The following XKR9 variants were observed in gnomAD, a reference collection of about 807,000 sequenced individuals.
XKR9 encodes the protein XK related 9, also known as XK-related protein 9.
Under a neutral mutation model 32.0 loss-of-function variants are expected in XKR9, and 32 were observed. The ratio of observed to expected loss-of-function variants is 1.00; its 90% CI spans 0.76 to 1.34. XKR9 has a LOEUF of 1.34. Among genes scored for constraint, XKR9 ranks in the 40% most tolerant of loss-of-function variants. XKR9 has a pLI of 0.00. For missense variants in XKR9, 546 were observed against 429.7 expected (o/e 1.27, Z -2.39); for synonymous variants, 168 against 143.4 (o/e 1.17, Z -1.22).
the XKR9 span, among the ~76,000 whole-genome samples, chr8:70,925,045 A>C: frequency 6.6e-6 from 1 of 152,234 alleles, no homozygotes; most frequent in Non-Finnish European, 1.5e-5. Flanking sequence ...CATGAGCTGC[A>C]TCACATTGTC....
the XKR9 span, among the ~76,000 whole-genome samples, chr8:70,813,592 C>G: frequency 1.5e-4 from 23 of 151,992 alleles, no homozygotes; most frequent in African/African-American, 5.6e-4. Flanking sequence ...AACAAATTTA[C>G]AAGAAAAAAA....
the XKR9 span, among the ~76,000 whole-genome samples, chr8:70,957,071 C>G: frequency 6.6e-6 from 1 of 152,252 alleles, no homozygotes; most frequent in Admixed American, 6.5e-5. Context: ...ATCCTCACAG[C>G]CACCATCACA....
chr8:70,946,589 A>G, the XKR9 span, among the ~76,000 whole-genome samples: 4 of 152,314 alleles, frequency 2.6e-5, no homozygotes, highest in Admixed American at 6.5e-5. Flanking sequence ...ACCACTAAAT[A>G]GAGAAACTGG....
At chr8:70,933,071 A>G in the XKR9 span, among the ~76,000 whole-genome samples, 1 of 152,094 alleles carries the variant, frequency 6.6e-6, no homozygotes. Flanking sequence ...TCCTGGGGCA[A>G]GATATTCATT....
chr8:70,672,967 T>A (rs774562107), intron 1 of XKR9, among the ~76,000 whole-genome samples: 1 of 152,344 alleles, frequency 6.6e-6, no homozygotes, highest in Non-Finnish European at 1.5e-5. Context: ...TATTAGTCCC[T>A]TGTCAGATGA....
chr8:70,848,217 T>C, the XKR9 span, among the ~76,000 whole-genome samples: 1 of 151,984 alleles, frequency 6.6e-6, no homozygotes, highest in African/African-American at 2.4e-5. Flanking sequence ...GAAGAAATTA[T>C]ATGATTAATT....
the XKR9 span, among the ~76,000 whole-genome samples, chr8:70,826,968 T>G: frequency 6.6e-6 from 1 of 152,254 alleles, no homozygotes; most frequent in Non-Finnish European, 1.5e-5. Context: ...GCTCATAACA[T>G]GTAGCTTCTT....
chr8:70,951,246 T>C, the XKR9 span, among the ~76,000 whole-genome samples: 6 of 152,380 alleles, frequency 3.9e-5, no homozygotes, highest in East Asian at 1.2e-3. Flanking sequence ...TATTCCTAAG[T>C]TCTGTTTTAG....
chr8:70,818,137 C>T, the XKR9 span, among the ~76,000 whole-genome samples: 1 of 152,086 alleles, frequency 6.6e-6, no homozygotes, highest in South Asian at 2.1e-4. Flanking sequence ...AGGGCTTCTG[C>T]ACAGCAAAGG....
chr8:70,729,005 AG>A (rs1383223058), intron 4 of XKR9, among the ~76,000 whole-genome samples: 11 of 152,202 alleles, frequency 7.2e-5, no homozygotes, highest in Admixed American at 2.6e-4. Context: ...TACTTACCAC[AG>A]ATCAGGAACC....
At chr8:70,731,530 C>G (rs546778411) in intron 4 of XKR9, among the ~76,000 whole-genome samples, 35 of 152,260 alleles carry the variant, frequency 2.3e-4, no homozygotes, top group African/African-American at 8.4e-4. Context: ...GCATGGGGAA[C>G]TGAATTAACA....
rs527610775 is a variant in XKR9, at chr8:70,671,585, T to A, written c.-361+2047T>A. ...ACCTATGAGTGAGAATATGCGGTGTTTGGTTTTTTGTTCTTGCGATAGTTT... is the reference window on the plus strand; with the variant it reads ...ACCTATGAGTGAGAATATGCGGTGTATGGTTTTTTGTTCTTGCGATAGTTT... On this transcript the variant is annotated intron_variant, in intron 1 of 4. Coordinates refer to ENST00000408926, the MANE Select transcript of XKR9 (RefSeq NM_001011720.2). 2.4e-5 allele frequency among the ~76,000 whole-genome samples: 2 copies of A among 84,590 alleles called. 1 individual carries two copies. Among genetic ancestry groups the A allele is most frequent in the South Asian group, 6.4e-4 (2 of 3,120 alleles). The allele number at this position is 84,590 out of a possible 152,430, so 55.5% of individuals were successfully genotyped here.
the XKR9 span, among the ~76,000 whole-genome samples, chr8:71,009,828 T>G: frequency 1.3e-5 from 2 of 152,228 alleles, no homozygotes; most frequent in African/African-American, 4.8e-5. Context: ...GCAACTATTT[T>G]GCCTATCTTC....
the XKR9 span, among the ~76,000 whole-genome samples, chr8:70,833,776 A>G: frequency 6.6e-6 from 1 of 152,188 alleles, no homozygotes; most frequent in African/African-American, 2.4e-5. Context: ...TCCCTTCATT[A>G]TGCCTTTCCC....
the XKR9 span, among the ~76,000 whole-genome samples, chr8:70,866,848 G>T: frequency 6.6e-6 from 1 of 152,174 alleles, no homozygotes; most frequent in East Asian, 1.9e-4. Flanking sequence ...CTCATCCTAA[G>T]TGTGAAACAC....
the XKR9 span, among the ~76,000 whole-genome samples, chr8:70,943,829 G>C: frequency 3.3e-5 from 5 of 151,934 alleles, no homozygotes; most frequent in Admixed American, 6.6e-5. Context: ...TTTAAAACTG[G>C]GTAGTTTTGT....
the XKR9 span, among the ~76,000 whole-genome samples, chr8:71,058,573 A>ACAACT: frequency 3.8e-4 from 58 of 152,366 alleles, no homozygotes; most frequent in African/African-American, 1.3e-3. Context: ...AGTGAGTGTA[A>ACAACT]GAACTGAGAT....
At chr8:70,775,655 T>A (rs1014238980) in intron 2 of XKR9, among the ~76,000 whole-genome samples, 1 of 152,180 alleles carries the variant, frequency 6.6e-6, no homozygotes, top group East Asian at 1.9e-4. Context: ...CACTTGGACA[T>A]GATGTATTAT....
At chr8:70,786,647 C>T (rs7461395) in intron 2 of XKR9, among the ~76,000 whole-genome samples, 1 of 151,978 alleles carries the variant, frequency 6.6e-6, no homozygotes, top group Non-Finnish European at 1.5e-5. Flanking sequence ...TCTTCACTTT[C>T]AGTGTATTTG....
Sources: gnomAD v4.1 joint callset for allele counts (sites outside exome capture counted in the v4.1 genomes callset) on GRCh38, gnomAD v4.1.1 for gene constraint, MANE v1.5 for transcripts, NCBI Gene and HGNC (gene_info 2026-07-23, HGNC 2026-07-21) for gene names.